Variants in CSMD1 observed in about 807,000 individuals in gnomAD.
The protein encoded by CSMD1 is CUB and Sushi multiple domains 1, also known as CUB and sushi domain-containing protein 1.
CSMD1 carries 213 observed loss-of-function variants against 417.5 expected under a neutral mutation model. That is an observed-to-expected ratio of 0.51 (90% CI 0.46 to 0.57). The LOEUF is 0.57. Ranked by LOEUF, CSMD1 falls within the 20% of genes least tolerant of loss-of-function variation. CSMD1 has a pLI of 0.00. For missense variants in CSMD1, 6,923 were observed against 4,529.7 expected (o/e 1.53, Z -15.17); for synonymous variants, 2,862 against 1,736.8 (o/e 1.65, Z -16.11).
intron 1 of CSMD1, among the ~76,000 whole-genome samples, chr8:4,654,597 G>A (rs1804112938): frequency 6.6e-6 from 1 of 152,066 alleles, no homozygotes; most frequent in African/African-American, 2.4e-5. Flanking sequence ...TTTTATATTA[G>A]GAAGTTCATA....
chr8:4,957,871 G>A (rs766177731), intron 1 of CSMD1, among the ~76,000 whole-genome samples: 1 of 152,132 alleles, frequency 6.6e-6, no homozygotes, highest in Non-Finnish European at 1.5e-5. Flanking sequence ...GCCAGCCCCT[G>A]CAATATGGAA....
chr8:4,518,881 G>A (rs954261849), intron 2 of CSMD1, among the ~76,000 whole-genome samples: 13 of 152,126 alleles, frequency 8.5e-5, no homozygotes, highest in Middle Eastern at 3.4e-3. Context: ...CTCTTCAAAG[G>A]TTTTCAAGTA....
intron 26 of CSMD1, among the ~76,000 whole-genome samples, chr8:3,267,776 G>A (rs540203197): frequency 2.0e-5 from 3 of 152,296 alleles, no homozygotes; most frequent in Admixed American, 1.3e-4. Context: ...TGATGGGAGT[G>A]GAGCGGGGAG....
At chr8:4,113,200 G>A (rs968615429) in intron 3 of CSMD1, among the ~76,000 whole-genome samples, 3 of 151,736 alleles carry the variant, frequency 2.0e-5, no homozygotes, top group South Asian at 2.1e-4. Flanking sequence ...ATTGAAATTC[G>A]GACAGTTAAA....
intron 23 of CSMD1, among the ~76,000 whole-genome samples, chr8:3,324,804 T>C (rs1295637887): frequency 1.3e-5 from 2 of 152,182 alleles, no homozygotes; most frequent in African/African-American, 2.4e-5. Context: ...ATCTTGGCAT[T>C]TACTATTGAA....
intron 1 of CSMD1, among the ~76,000 whole-genome samples, chr8:4,779,462 T>C (rs184933057): frequency 4.6e-4 from 69 of 150,822 alleles, no homozygotes; most frequent in African/African-American, 1.7e-3. Context: ...TTAATGAAGC[T>C]CATTAATTTA....
intron 12 of CSMD1, among the ~76,000 whole-genome samples, chr8:3,454,724 T>C (rs1479234644): frequency 6.6e-6 from 1 of 152,204 alleles, no homozygotes; most frequent in Non-Finnish European, 1.5e-5. Context: ...AACCCGACCT[T>C]TCTCTCTGCC....
chr8:4,347,012 C>G (rs1452089492), intron 3 of CSMD1, among the ~76,000 whole-genome samples: 1 of 152,164 alleles, frequency 6.6e-6, no homozygotes, highest in East Asian at 1.9e-4. Flanking sequence ...CTCCAGGATA[C>G]TTAAAGTTTT....
Position 3,662,312 on chromosome 8 carries a change from G to A in CSMD1, c.1010-45515C>T, listed in dbSNP as rs542558984. ...CTAGTGAGTAAAATGAACTATAAAT[G>A]TTGTAAACAGTTAAATGGTTTCTTA... On this transcript the variant is annotated intron_variant, in intron 7 of 69. Transcript: ENST00000635120. 4.6e-5 allele frequency among the ~76,000 whole-genome samples: 7 copies of A among 152,254 alleles called. No homozygotes were observed. In the South Asian group the frequency reaches 1.2e-3, roughly 27 times the overall value.
intron 5 of CSMD1, among the ~76,000 whole-genome samples, chr8:3,778,607 G>A (rs549984187): frequency 4.6e-5 from 7 of 152,236 alleles, no homozygotes; most frequent in Admixed American, 2.6e-4. Context: ...GCCCTCTCCT[G>A]TCTCTGTTCT....
At chr8:3,652,773 G>A (rs1299645347) in intron 7 of CSMD1, among the ~76,000 whole-genome samples, 1 of 152,124 alleles carries the variant, frequency 6.6e-6, no homozygotes, top group Non-Finnish European at 1.5e-5. Context: ...ATTTGGCTGG[G>A]AAAACAGCCC....
chr8:3,992,658 G>A lies in CSMD1; in HGVS notation c.818+5245C>T, dbSNP rs1486171150. Among the ~76,000 whole-genome samples, 3 of 152,226 alleles carry A rather than the reference G, an allele frequency of 2.0e-5. No homozygotes were observed. The East Asian group carries it at 5.8e-4, about 29-fold the overall frequency. ...AAAAATTAGCCAGGGTTCTGCACCT[G>A]TAGTCCCAGATACAAGGAATGCTAA... On this transcript the variant is annotated intron_variant, in intron 5 of 69. Transcript: ENST00000635120.
At chr8:4,768,310 T>C (rs1243239035) in intron 1 of CSMD1, among the ~76,000 whole-genome samples, 1 of 152,012 alleles carries the variant, frequency 6.6e-6, no homozygotes, top group Non-Finnish European at 1.5e-5. Context: ...CTCATTCGTA[T>C]ACTCGCCTAT....
At chr8:3,854,821 A>G (rs562678077) in intron 5 of CSMD1, among the ~76,000 whole-genome samples, 2 of 152,284 alleles carry the variant, frequency 1.3e-5, no homozygotes, top group South Asian at 2.1e-4. Context: ...TAATATTACT[A>G]AACATAACAA....
intron 1 of CSMD1, among the ~76,000 whole-genome samples, chr8:4,887,506 T>C (rs1008560920): frequency 6.6e-6 from 1 of 152,034 alleles, no homozygotes; most frequent in African/African-American, 2.4e-5. Flanking sequence ...TGCTATTCAA[T>C]TCTTCTAGTT....
intron 2 of CSMD1, among the ~76,000 whole-genome samples, chr8:4,453,842 G>C (rs531374762): frequency 2.4e-3 from 112 of 46,046 alleles, no homozygotes; most frequent in African/African-American, 8.3e-3. Context: ...TTTTTTTTGA[G>C]ACAGAGTCTC....
At chr8:3,113,814 G>A (rs536627490) in intron 42 of CSMD1, among the ~76,000 whole-genome samples, 27 of 152,156 alleles carry the variant, frequency 1.8e-4, no homozygotes, top group Non-Finnish European at 3.5e-4. Context: ...ACAGGAGGGC[G>A]GAGGTACAAG....
chr8:3,637,575 G>C (rs1161443918), intron 7 of CSMD1, among the ~76,000 whole-genome samples: 5 of 152,000 alleles, frequency 3.3e-5, no homozygotes, highest in Admixed American at 1.3e-4. Flanking sequence ...TAATACTTTA[G>C]TAAAATATTG....
intron 10 of CSMD1, among the ~76,000 whole-genome samples, chr8:3,529,010 A>T (rs1028381651): frequency 6.6e-6 from 1 of 152,218 alleles, no homozygotes; most frequent in Admixed American, 6.5e-5. Flanking sequence ...GAAGCCCAAA[A>T]TATTATCAAT....
Sources: gnomAD v4.1 joint callset for allele counts (sites outside exome capture counted in the v4.1 genomes callset) on GRCh38, gnomAD v4.1.1 for gene constraint, MANE v1.5 for transcripts, NCBI Gene and HGNC (gene_info 2026-07-23, HGNC 2026-07-21) for gene names.